The following RAD23B variants were observed in gnomAD, a reference collection of about 807,000 sequenced individuals.
RAD23B encodes the protein RAD23 nucleotide excision repair protein B.
RAD23B carries 5 observed loss-of-function variants against 49.1 expected under a neutral mutation model. The ratio of observed to expected loss-of-function variants is 0.10; its 90% CI spans 0.05 to 0.21. RAD23B has a LOEUF of 0.21. RAD23B is among the 10% of genes least tolerant of loss of function. The pLI is 1.00. For synonymous variants in RAD23B, 184 were observed against 165.4 expected (o/e 1.11, Z -0.86); for missense variants, 356 against 486.7 (o/e 0.73, Z 2.53).
intron 4 of RAD23B, among the ~76,000 whole-genome samples, chr9:107,310,948 A>T (rs1826877094): frequency 6.6e-6 from 1 of 152,218 alleles, no homozygotes; most frequent in Admixed American, 6.5e-5. Context: ...TTTAATTGAG[A>T]TACAGGTCTA....
Position 107,300,180 on chromosome 9 carries a change from A to G in RAD23B, c.106A>G (p.Lys36Glu). The G allele has an allele frequency of 6.2e-7, 1 of 1,609,614 alleles. No homozygotes were observed. The highest frequency in any genetic ancestry group is 8.5e-7 in the Non-Finnish European group (1 of 1,177,848). The change falls in exon 2 of 10, where the codon AAA becomes GAA. Residue 36 changes from lysine to glutamate, a missense_variant. Coordinates refer to ENST00000358015, the MANE Select transcript of RAD23B (RefSeq NM_002874.5). Reference sequence around the variant, plus strand: ...AGAGAAGATTGAATCTGAAAAGGGGAAAGATGCCTTTCCAGTAGCAGGTCA... The same window carrying G: ...AGAGAAGATTGAATCTGAAAAGGGGGAAGATGCCTTTCCAGTAGCAGGTCA... Reference protein sequence around the residue: ...LKEKIESEKGKDAFPVAGQKL... With the variant: ...LKEKIESEKGEDAFPVAGQKL...
At chr9:107,322,449 C>G (rs909246840) in intron 7 of RAD23B, among the ~76,000 whole-genome samples, 3 of 152,258 alleles carry the variant, frequency 2.0e-5, no homozygotes, top group Non-Finnish European at 4.4e-5. Flanking sequence ...GTCTCTTACT[C>G]TCTCCATAAA....
chr9:107,302,193 A>T, intron 3 of RAD23B, 79 bp downstream of exon 3: 1 of 1,593,282 alleles, frequency 6.3e-7, no homozygotes, highest in Admixed American at 1.8e-5. Context: ...CACACAATGG[A>T]CACAGTTTAT....
At chr9:107,283,954 G>C (rs1389402660) in intron 1 of RAD23B, 5 of 1,121,406 alleles carry the variant, frequency 4.5e-6, no homozygotes, top group Non-Finnish European at 3.3e-6. Context: ...GCACGCCCGC[G>C]GGCCTGGGCC....
chr9:107,300,462 G>A (rs1308413308), intron 2 of RAD23B, among the ~76,000 whole-genome samples: 1 of 150,852 alleles, frequency 6.6e-6, no homozygotes, highest in Non-Finnish European at 1.5e-5. Context: ...TAAGCATCGT[G>A]TAACTGGCTT....
intron 9 of RAD23B, among the ~76,000 whole-genome samples, chr9:107,325,665 TATA>T (rs1827190503): frequency 6.6e-6 from 1 of 152,256 alleles, no homozygotes; most frequent in Non-Finnish European, 1.5e-5. Context: ...GGATTTTCCA[TATA>T]CAAGGTCATG....
At chr9:107,312,589 TC>T (rs1826910076) in intron 5 of RAD23B, among the ~76,000 whole-genome samples, 2 of 152,170 alleles carry the variant, frequency 1.3e-5, no homozygotes, top group South Asian at 4.2e-4. Context: ...TTATCTAAGA[TC>T]GCCTGGGTGT....
intron 3 of RAD23B, among the ~76,000 whole-genome samples, chr9:107,303,999 G>A (rs1009312687): frequency 1.3e-5 from 2 of 152,044 alleles, no homozygotes; most frequent in East Asian, 3.9e-4. Flanking sequence ...TATTACATAG[G>A]ATTCTAATGA....
rs755747068 is a variant in RAD23B at position 107,318,823 on chromosome 9, G to T, written c.625G>T (p.Ala209Ser). ...SMGYEREQVI[A>S]ALRASFNNPD... Reference sequence around the variant, plus strand: ...GGGCTATGAACGAGAGCAAGTAATTGCAGCCCTGAGAGCCAGTTTCAACAA... The same window carrying T: ...GGGCTATGAACGAGAGCAAGTAATTTCAGCCCTGAGAGCCAGTTTCAACAA... The change falls in exon 6 of 10, where the codon GCA becomes TCA. Residue 209 changes from alanine (A) to serine (S), a missense_variant. Ala to Ser is a moderately conservative substitution (Grantham distance 99). Coordinates refer to ENST00000358015, the MANE Select transcript of RAD23B (RefSeq NM_002874.5). The surrounding 1 kb of genome is among the most constrained non-coding windows in gnomAD (Gnocchi z 4.3). 1.2e-5 allele frequency: 20 copies of T among 1,613,396 alleles called. No homozygotes were observed. Among genetic ancestry groups the T allele is most frequent in the Middle Eastern group, 3.3e-4 (2 of 6,082 alleles).
At chr9:107,302,991 T>C (rs2133076362) in intron 3 of RAD23B, among the ~76,000 whole-genome samples, 1 of 152,290 alleles carries the variant, frequency 6.6e-6, no homozygotes, top group South Asian at 2.1e-4. Context: ...TGTGATTTAG[T>C]AGGCTGGAAT....
Position 107,329,780 on chromosome 9 carries a change from T to TG in RAD23B, c.*128dup. On this transcript the variant is annotated 3_prime_UTR_variant, in exon 10 of 10. Coordinates refer to ENST00000358015, the MANE Select transcript of RAD23B (RefSeq NM_002874.5). The stretch of plus-strand genomic sequence containing the variant: ...GTATAAGGTAGTAGATTGTTGGGGG[T>TG]GGGGAGGGAGGGATCTAGGATACAG... 3 of 272,572 alleles carry TG rather than the reference T, an allele frequency of 1.1e-5. No homozygotes were observed. The highest frequency in any genetic ancestry group is 3.4e-5 in the South Asian group (1 of 29,700). 16.9% of individuals were successfully genotyped at this position (272,572 alleles called of 1,614,324 possible).
chr9:107,291,862 A>T (rs994475621), intron 1 of RAD23B, among the ~76,000 whole-genome samples: 1 of 152,162 alleles, frequency 6.6e-6, no homozygotes, highest in African/African-American at 2.4e-5. Context: ...ATTATTTTTT[A>T]ATTAGGCCGT....
chr9:107,318,444 A>C lies in RAD23B; in HGVS notation c.554-308A>C, dbSNP rs1346861078. Among the ~76,000 whole-genome samples, 1 of 152,158 alleles carries C rather than the reference A, an allele frequency of 6.6e-6. No individual in the cohort carries two copies. The highest frequency in any genetic ancestry group is 2.4e-5 in the African/African-American group (1 of 41,434). ...TACTATTAAGGATTCATGTCATTAC[A>C]CTGGACCCACCTGGATAATCCAGAA... On this transcript the variant is annotated intron_variant, in intron 5 of 9. Transcript: ENST00000358015. The surrounding 1 kb of genome is among the most constrained non-coding windows in gnomAD (Gnocchi z 4.3).
At chr9:107,289,533 G>T (rs891367749) in intron 1 of RAD23B, among the ~76,000 whole-genome samples, 10 of 152,188 alleles carry the variant, frequency 6.6e-5, no homozygotes, top group Non-Finnish European at 1.5e-4. Flanking sequence ...GATGCTGTGG[G>T]GTGGGCAAGA....
chr9:107,331,026 A>G lies in RAD23B; in HGVS notation c.*1370A>G, dbSNP rs1355016355. 1 of 152,240 alleles carries G rather than the reference A, an allele frequency of 6.6e-6. No homozygotes were observed. The highest frequency in any genetic ancestry group is 1.5e-5 in the Non-Finnish European group (1 of 68,030). 9.4% of individuals were successfully genotyped at this position (152,240 alleles called of 1,614,324 possible). A position where few individuals can be genotyped will look rare whatever the true frequency, so the allele number is the denominator to read the frequency against. ...TTCAAATCTGTTTTCCTGAGTATAA[A>G]TAAGAGTATTTAAAGAAATAATTTG... On this transcript the variant is annotated 3_prime_UTR_variant, in exon 10 of 10. Coordinates refer to ENST00000358015, the MANE Select transcript of RAD23B (RefSeq NM_002874.5).
chr9:107,285,702 A>G (rs1833262830), intron 1 of RAD23B, among the ~76,000 whole-genome samples: 1 of 152,222 alleles, frequency 6.6e-6, no homozygotes. Context: ...AGCGGTTTCT[A>G]CAGCTTTCGC....
chr9:107,284,939 A>G, intron 1 of RAD23B: 1 of 1,301,732 alleles, frequency 7.7e-7, no homozygotes, highest in Non-Finnish European at 1.0e-6. Context: ...GTGGTCAGTA[A>G]ATGGAATCGA....
chr9:107,286,257 A>T (rs1669423864), intron 1 of RAD23B, among the ~76,000 whole-genome samples: 1 of 152,210 alleles, frequency 6.6e-6, no homozygotes, highest in Admixed American at 6.5e-5. Flanking sequence ...CATTTGTTGA[A>T]CAAGTAAATG....
At chr9:107,301,465 T>C (rs1826651180) in intron 2 of RAD23B, among the ~76,000 whole-genome samples, 1 of 152,224 alleles carries the variant, frequency 6.6e-6, no homozygotes, top group Non-Finnish European at 1.5e-5. Flanking sequence ...ATATAATCAA[T>C]ACATTTGTAA....
Sources: gnomAD v4.1 joint callset for allele counts (sites outside exome capture counted in the v4.1 genomes callset) on GRCh38, gnomAD v4.1.1 for gene constraint, Gnocchi (gnomAD v3.1) non-coding constraint, MANE v1.5 for transcripts, NCBI Gene and HGNC (gene_info 2026-07-23, HGNC 2026-07-21) for gene names.